The following DLGAP2 variants were observed in gnomAD, a reference collection of about 807,000 sequenced individuals.
The protein encoded by DLGAP2 is DLG associated protein 2.
DLGAP2 carries 26 observed loss-of-function variants against 100.3 expected under a neutral mutation model. The observed-to-expected ratio is 0.26, with a 90% CI of 0.19 to 0.36. DLGAP2 has a LOEUF of 0.36. Among genes scored for constraint, DLGAP2 ranks in the 10% least tolerant of loss-of-function variants. The pLI is 1.00. For synonymous variants in DLGAP2, 886 were observed against 630.1 expected, an observed-to-expected ratio of 1.41 and a Z score of -6.08; for missense variants, 1,858 against 1,453.2, an observed-to-expected ratio of 1.28 and a Z score of -4.53.
In DLGAP2 at chr8:1,135,608, A is replaced by G. The variant is rs1024512157; in HGVS notation, c.74-123243A>G. ...ACGGAGCGTGGCACACCTAAGGGGA[A>G]CGACATTCTCAAGGTGATCCCTTCC... is the stretch of plus-strand genomic sequence containing the variant. On this transcript the variant is annotated intron_variant, in intron 2 of 14. Coordinates refer to ENST00000637795, the MANE Select transcript of DLGAP2 (RefSeq NM_001346810.2). Among the ~76,000 whole-genome samples the G allele has an allele frequency of 1.0e-4, 14 of 135,276 alleles. No individual in the cohort carries two copies. In the East Asian group the frequency reaches 3.4e-3, roughly 33 times the overall value. 88.7% of individuals were successfully genotyped at this position (135,276 alleles called of 152,430 possible).
intron 1 of DLGAP2, among the ~76,000 whole-genome samples, chr8:780,888 G>C (rs932435402): frequency 2.0e-5 from 3 of 152,118 alleles, no homozygotes; most frequent in African/African-American, 2.4e-5. Context: ...CCCTGTACCA[G>C]AGTAGCAATT....
At chr8:1,636,264 G>A (rs1380348386) in intron 8 of DLGAP2, among the ~76,000 whole-genome samples, 1 of 152,054 alleles carries the variant, frequency 6.6e-6, no homozygotes, top group Admixed American at 6.6e-5. Flanking sequence ...TCTCTGGGCC[G>A]GAAATTTTCT....
intron 4 of DLGAP2, among the ~76,000 whole-genome samples, chr8:1,514,160 C>A (rs757543420): frequency 5.9e-5 from 9 of 152,244 alleles, no homozygotes; most frequent in Non-Finnish European, 4.4e-5. Flanking sequence ...AATTAGACAT[C>A]TAGGAATTCA....
At chr8:1,036,912 G>C (rs11783337) in intron 2 of DLGAP2, among the ~76,000 whole-genome samples, 1 of 152,126 alleles carries the variant, frequency 6.6e-6, no homozygotes, top group Admixed American at 6.5e-5. Flanking sequence ...ATACCAGAAG[G>C]TGTGACCCCC....
intron 3 of DLGAP2, among the ~76,000 whole-genome samples, chr8:1,276,078 A>G (rs1332735603): frequency 1.4e-5 from 2 of 142,494 alleles, no homozygotes; most frequent in Non-Finnish European, 1.5e-5. Flanking sequence ...TATATAATAT[A>G]TAAATAAATG....
intron 2 of DLGAP2, among the ~76,000 whole-genome samples, chr8:1,057,805 T>C (rs1802929138): frequency 6.6e-6 from 1 of 152,186 alleles, no homozygotes; most frequent in Admixed American, 6.5e-5. Context: ...AATCTTTAGT[T>C]CAATGTAGCA....
intron 1 of DLGAP2, among the ~76,000 whole-genome samples, chr8:770,748 C>A (rs1233606188): frequency 6.6e-6 from 1 of 152,112 alleles, no homozygotes; most frequent in African/African-American, 2.4e-5. Context: ...ATTGTGAGCC[C>A]CTGAGCTGTA....
intron 3 of DLGAP2, among the ~76,000 whole-genome samples, chr8:1,344,222 C>T (rs1801503093): frequency 6.6e-6 from 1 of 151,744 alleles, no homozygotes; most frequent in African/African-American, 2.4e-5. Flanking sequence ...GGGCCTGTGC[C>T]GTGTAGAATC....
intron 2 of DLGAP2, among the ~76,000 whole-genome samples, chr8:1,180,139 C>T (rs1392385763): frequency 2.0e-5 from 3 of 152,210 alleles, no homozygotes; most frequent in African/African-American, 7.2e-5. Flanking sequence ...GTGACGTGAA[C>T]TTCCTCCTTT....
intron 2 of DLGAP2, among the ~76,000 whole-genome samples, chr8:1,010,296 TCA>T (rs1488815489): frequency 8.0e-6 from 1 of 125,144 alleles, no homozygotes; most frequent in African/African-American, 3.2e-5. Context: ...GTGTGTACAC[TCA>T]GATATCAGTT....
At chr8:1,633,289 G>C (rs1797695322) in intron 8 of DLGAP2, among the ~76,000 whole-genome samples, 1 of 149,048 alleles carries the variant, frequency 6.7e-6, no homozygotes, top group Admixed American at 6.6e-5. Context: ...ATAATCAAGT[G>C]TAACTTGTGT....
intron 7 of DLGAP2, among the ~76,000 whole-genome samples, chr8:1,628,370 CAACCTCACATTCTCTCTGACTTACTGTG>C (rs1797560779): frequency 7.4e-6 from 1 of 135,076 alleles, no homozygotes; most frequent in African/African-American, 3.1e-5. Flanking sequence ...GAGCTTGAGC[CAACCTCACATTCTCTCTGACTTACTGTG>C]GAGCAGGAAT....
intron 2 of DLGAP2, among the ~76,000 whole-genome samples, chr8:1,216,719 C>T (rs972649097): frequency 1.3e-5 from 2 of 152,110 alleles, no homozygotes; most frequent in African/African-American, 4.8e-5. Flanking sequence ...ACCTAGCCCT[C>T]CCTTTCTCTC....
intron 2 of DLGAP2, among the ~76,000 whole-genome samples, chr8:1,093,833 A>G (rs554449631): frequency 1.1e-4 from 16 of 152,350 alleles, no homozygotes; most frequent in African/African-American, 3.6e-4. Context: ...TGGCTCTAGG[A>G]ATATTCAGGT....
chr8:785,406 C>A (rs1266504709), intron 1 of DLGAP2, among the ~76,000 whole-genome samples: 1 of 149,760 alleles, frequency 6.7e-6, no homozygotes, highest in Admixed American at 6.7e-5. Context: ...TCTCTCCTCC[C>A]CTCAGGTCTC....
chr8:914,890 G>T (rs963248304), intron 2 of DLGAP2, among the ~76,000 whole-genome samples: 3 of 152,134 alleles, frequency 2.0e-5, no homozygotes, highest in Non-Finnish European at 2.9e-5. Flanking sequence ...GCTGGAAATA[G>T]ACCTACAGTT....
intron 2 of DLGAP2, among the ~76,000 whole-genome samples, chr8:946,234 C>G (rs1021717986): frequency 4.6e-5 from 7 of 151,108 alleles, no homozygotes; most frequent in Admixed American, 1.3e-4. Flanking sequence ...GTCTGAGTAA[C>G]TTGGTGCTTC....
At chr8:876,698 T>C (rs1393302374) in intron 1 of DLGAP2, among the ~76,000 whole-genome samples, 5 of 152,208 alleles carry the variant, frequency 3.3e-5, no homozygotes, top group African/African-American at 2.4e-5. Context: ...TGGGAGGTTT[T>C]CAGCTATTAT....
At chr8:1,253,257 C>G (rs759355122) in intron 2 of DLGAP2, among the ~76,000 whole-genome samples, 1 of 152,208 alleles carries the variant, frequency 6.6e-6, no homozygotes. Context: ...AGGGCTGCAG[C>G]CGCTGGGTGG....
Sources: gnomAD v4.1 joint callset for allele counts (sites outside exome capture counted in the v4.1 genomes callset) on GRCh38, gnomAD v4.1.1 for gene constraint, MANE v1.5 for transcripts, NCBI Gene and HGNC (gene_info 2026-07-23, HGNC 2026-07-21) for gene names.